KIZ: variants seen among roughly 807,000 people sequenced by gnomAD.
KIZ encodes centrosomal protein kizuna.
KIZ carries 68 observed loss-of-function variants against 79.6 expected under a neutral mutation model. The ratio of observed to expected loss-of-function variants is 0.85; its 90% CI spans 0.70 to 1.05. The LOEUF (loss-of-function observed/expected upper bound fraction) is 1.05, where lower values mean the gene tolerates loss of function less well. Ranked by LOEUF, KIZ falls within the 50% of genes least tolerant of loss-of-function variation. The probability of loss-of-function intolerance (pLI) is 0.00; values close to 1 mark genes in which losing one functional copy is unlikely to be tolerated. For missense variants in KIZ, 797 were observed against 800.4 expected, an observed-to-expected ratio of 1.00 and a Z score of 0.05; for synonymous variants, 280 against 281.8, an observed-to-expected ratio of 0.99 and a Z score of 0.06.
chr20:21,135,533 A>C (rs556793989), intron 2 of KIZ, among the ~76,000 whole-genome samples: 1 of 152,252 alleles, frequency 6.6e-6, no homozygotes, highest in Admixed American at 6.5e-5. Context: ...TTGTTAAACA[A>C]CTTTGGACAT....
chr20:21,134,956 C>G (rs967293287), intron 2 of KIZ, among the ~76,000 whole-genome samples: 1 of 152,180 alleles, frequency 6.6e-6, no homozygotes, highest in African/African-American at 2.4e-5. Context: ...CATGAACCCC[C>G]ATGCCCGACC....
intron 4 of KIZ, among the ~76,000 whole-genome samples, chr20:21,155,144 C>T (rs745478490): frequency 4.6e-5 from 7 of 152,160 alleles, no homozygotes; most frequent in Non-Finnish European, 1.0e-4. Context: ...CCGTACGAGG[C>T]AACAGTTTCA....
chr20:21,204,840 TG>T (rs1390120669), intron 6 of KIZ, among the ~76,000 whole-genome samples: 13 of 152,094 alleles, frequency 8.5e-5, no homozygotes, highest in African/African-American at 3.1e-4. Context: ...ATGGTAAGAG[TG>T]TAACAAAACA....
intron 6 of KIZ, among the ~76,000 whole-genome samples, chr20:21,184,023 C>T (rs1216415100): frequency 6.6e-6 from 1 of 152,192 alleles, no homozygotes; most frequent in East Asian, 1.9e-4. Context: ...ACCTGGATCT[C>T]ATGCTTCACT....
chr20:21,179,044 T>C (rs920689992), intron 6 of KIZ, among the ~76,000 whole-genome samples: 4 of 152,106 alleles, frequency 2.6e-5, no homozygotes, highest in Admixed American at 1.3e-4. Context: ...TTTTGTGGTA[T>C]CTTTGCCTGG....
chr20:21,233,501 AAAT>A (rs1180946091), intron 11 of KIZ, among the ~76,000 whole-genome samples: 1 of 152,202 alleles, frequency 6.6e-6, no homozygotes, highest in Non-Finnish European at 1.5e-5. Flanking sequence ...TCACCTGATG[AAAT>A]ACCCTACTCT....
chr20:21,161,800 GA>G (rs113752643), intron 4 of KIZ, 70 bp from the exon 5 acceptor site: 18,895 of 862,434 alleles, frequency 0.022, 76 homozygotes, highest in African/African-American at 0.078. Context: ...TTCATTTCTG[GA>G]AAAAAAAAAA....
Position 21,132,165 on chromosome 20 carries a change from AGACGACAGTGG to A in KIZ, c.152+9_152+19del, listed in dbSNP as rs1385641156. Reference sequence around the variant, plus strand: ...AATCAGTCTGATACATGCAGGTAAGAGACGACAGTGGGAACAGTTTTCAAGCCAGGTTCCAT... The same window carrying A: ...AATCAGTCTGATACATGCAGGTAAGAGAACAGTTTTCAAGCCAGGTTCCAT... On this transcript the variant is annotated splice_region_variant and intron_variant, in intron 2 of 12. Transcript: ENST00000619189. 7.1e-7 allele frequency: 1 copy of A among 1,410,656 alleles called. No individual in the cohort carries two copies. Among genetic ancestry groups the A allele is most frequent in the Non-Finnish European group, 9.7e-7 (1 of 1,031,402 alleles). 87.4% of individuals were successfully genotyped at this position (1,410,656 alleles called of 1,614,324 possible). A position where few individuals can be genotyped will look rare whatever the true frequency, so the allele number is the denominator to read the frequency against.
At chr20:21,186,462 AT>A (rs1372708376) in intron 6 of KIZ, among the ~76,000 whole-genome samples, 1 of 151,752 alleles carries the variant, frequency 6.6e-6, no homozygotes, top group Non-Finnish European at 1.5e-5. Flanking sequence ...CTTGTCTGAC[AT>A]CCCCTAAACT....
At chr20:21,126,062 C>A (rs1008696060), upstream of KIZ, 4 of 1,402,354 alleles carry the variant, frequency 2.9e-6, no homozygotes, top group Admixed American at 2.9e-5. Flanking sequence ...CCTTCGGCAA[C>A]CCCGGCCGAA....
chr20:21,163,055 T>C lies in KIZ; in HGVS notation c.1248T>C (p.Ala416=). ...DGIEALKLIH[A]EQERVALSTE... ...TAGAGGCCTTAAAATTAATCCATGC[T>C]GAGCAAGAAAGAGTTGCCCTATCCA... The change falls in exon 6 of 13, where the codon GCT becomes GCC. Residue 416 remains alanine, a synonymous_variant. Transcript: ENST00000619189. 1 of 1,613,886 alleles carries C rather than the reference T, an allele frequency of 6.2e-7. No individual in the cohort carries two copies. The highest frequency in any genetic ancestry group is 8.5e-7 in the Non-Finnish European group (1 of 1,179,776).
chr20:21,148,144 T>C (rs2032943311), intron 4 of KIZ, among the ~76,000 whole-genome samples: 1 of 152,002 alleles, frequency 6.6e-6, no homozygotes, highest in African/African-American at 2.4e-5. Flanking sequence ...ACAGGAGGAA[T>C]TAACAGAATG....
intron 1 of KIZ, among the ~76,000 whole-genome samples, chr20:21,127,307 C>G (rs2031544782): frequency 6.6e-6 from 1 of 152,174 alleles, no homozygotes; most frequent in South Asian, 2.1e-4. Context: ...AAAAAGAAAT[C>G]TCTTCCTGTA....
At chr20:21,133,396 G>T (rs1415243282) in intron 2 of KIZ, among the ~76,000 whole-genome samples, 3 of 152,238 alleles carry the variant, frequency 2.0e-5, no homozygotes, top group Non-Finnish European at 4.4e-5. Flanking sequence ...AGTCTGAGGG[G>T]ATCCTTGGCA....
rs773781135 is a variant in KIZ at position 21,246,549 on chromosome 20, C to T, written c.1995C>T (p.Thr665=). 1.2e-5 allele frequency: 19 copies of T among 1,607,618 alleles called. No homozygotes were observed. The highest frequency in any genetic ancestry group is 4.5e-5 in the East Asian group (2 of 44,832). ...EAALRPRNHN[T]DDSDDFYD ...CTTTACGCCCCAGAAACCATAACACCGATGATTCTGATGATTTTTATGACT... is the reference window on the plus strand; with the variant it reads ...CTTTACGCCCCAGAAACCATAACACTGATGATTCTGATGATTTTTATGACT... Residue 665 remains threonine, a synonymous_variant, in exon 13 of 13, where the codon ACC becomes ACT. Coordinates refer to ENST00000619189, the MANE Select transcript of KIZ (RefSeq NM_018474.6).
chr20:21,180,781 C>A (rs934563580), intron 6 of KIZ, among the ~76,000 whole-genome samples: 3 of 152,086 alleles, frequency 2.0e-5, no homozygotes, highest in African/African-American at 7.2e-5. Flanking sequence ...AGTCAGTAGT[C>A]CCAGCTGAGC....
chr20:21,240,805 C>T (rs1200575617), intron 11 of KIZ, among the ~76,000 whole-genome samples: 2 of 152,226 alleles, frequency 1.3e-5, no homozygotes, highest in African/African-American at 4.8e-5. Flanking sequence ...ATATGAAATT[C>T]AAATTTCCGT....
intron 6 of KIZ, among the ~76,000 whole-genome samples, chr20:21,175,185 A>G (rs1036539019): frequency 1.8e-4 from 27 of 152,192 alleles, no homozygotes; most frequent in Non-Finnish European, 3.1e-4. Flanking sequence ...CCGTCAGGGT[A>G]TTCCCTTTGT....
chr20:21,185,062 T>TTG (rs144332345), intron 6 of KIZ, among the ~76,000 whole-genome samples: 7,993 of 151,504 alleles, frequency 0.053, 290 homozygotes, highest in East Asian at 0.19. Flanking sequence ...AAAAAAATAA[T>TTG]TGTGTGTGTG....
Sources: allele counts gnomAD v4.1 joint callset (sites outside exome capture counted in the v4.1 genomes callset), GRCh38; gene constraint gnomAD v4.1.1; transcripts MANE v1.5; gene names NCBI Gene and HGNC (gene_info 2026-07-23, HGNC 2026-07-21).